Variants in MAML3 observed in about 807,000 individuals in gnomAD.
MAML3 encodes mastermind-like protein 3.
In MAML3, 27 loss-of-function variants were observed where a neutral mutation model predicts 101.9. That is an observed-to-expected ratio of 0.27 (90% CI 0.20 to 0.37). The LOEUF (loss-of-function observed/expected upper bound fraction) is 0.37, where lower values mean the gene tolerates loss of function less well. Among genes scored for constraint, MAML3 ranks in the 10% least tolerant of loss-of-function variants. The probability of loss-of-function intolerance (pLI) is 1.00; values close to 1 mark genes in which losing one functional copy is unlikely to be tolerated. For synonymous variants in MAML3, 501 were observed against 555.9 expected, an observed-to-expected ratio of 0.90 and a Z score of 1.39; for missense variants, 1,316 against 1,444.9, an observed-to-expected ratio of 0.91 and a Z score of 1.45.
At chr4:139,751,834 G>A (rs759341229) in intron 2 of MAML3, among the ~76,000 whole-genome samples, 5 of 152,266 alleles carry the variant, frequency 3.3e-5, no homozygotes, top group East Asian at 1.9e-4. Context: ...CCTCTAATCC[G>A]CAAAGTATCC....
At chr4:140,080,207 G>C (rs1203144583) in intron 1 of MAML3, among the ~76,000 whole-genome samples, 1 of 152,262 alleles carries the variant, frequency 6.6e-6, no homozygotes, top group Non-Finnish European at 1.5e-5. Flanking sequence ...GGGAGGCAAA[G>C]ACTAAAGAGG....
At chr4:140,102,162 A>G (rs1359698219) in intron 1 of MAML3, among the ~76,000 whole-genome samples, 1 of 152,228 alleles carries the variant, frequency 6.6e-6, no homozygotes, top group Non-Finnish European at 1.5e-5. Flanking sequence ...TAAATTCTCC[A>G]TCTATGAGAA....
At chr4:139,930,134 T>A (rs545913074) in intron 1 of MAML3, among the ~76,000 whole-genome samples, 8 of 152,330 alleles carry the variant, frequency 5.3e-5, no homozygotes, top group African/African-American at 1.9e-4. Context: ...GAATTATAGA[T>A]AATTTTCATT....
At position 139,889,401 on chromosome 4, in the gene MAML3, T is replaced by A; in HGVS notation, c.2035A>T (p.Met679Leu). The change falls in exon 2 of 5, where the codon ATG becomes TTG. Residue 679 changes from methionine (M) to leucine (L), a missense_variant. Physicochemically the swap from Met to Leu is conservative, Grantham distance 15. Transcript: ENST00000509479. ...RLLLMKQKGV[M>L]NQPMAYAALP... ...GCAGCGTAAGCCATGGGCTGATTCA[T>A]CACTCCTTTCTGCTTCATGAGAAGC... 6.2e-7 allele frequency: 1 copy of A among 1,614,076 alleles called. No homozygotes were observed.
chr4:139,985,568 G>C (rs1734521609), intron 1 of MAML3, among the ~76,000 whole-genome samples: 1 of 152,240 alleles, frequency 6.6e-6, no homozygotes, highest in Non-Finnish European at 1.5e-5. Flanking sequence ...CAACTAACTT[G>C]TGAATCACTT....
At chr4:139,745,410 G>A (rs1729289848) in intron 2 of MAML3, among the ~76,000 whole-genome samples, 1 of 152,196 alleles carries the variant, frequency 6.6e-6, no homozygotes, top group Non-Finnish European at 1.5e-5. Context: ...GGAGAAAAGT[G>A]GGCAGGAAGG....
chr4:140,010,869 G>A (rs994754365), intron 1 of MAML3, among the ~76,000 whole-genome samples: 4 of 151,958 alleles, frequency 2.6e-5, no homozygotes, highest in Non-Finnish European at 5.9e-5. Flanking sequence ...TTGGGAGGCC[G>A]AGGCAGGCAG....
intron 1 of MAML3, among the ~76,000 whole-genome samples, chr4:139,892,559 G>GT (rs1317835382): frequency 7.2e-6 from 1 of 139,360 alleles, no homozygotes; most frequent in Admixed American, 7.4e-5. Context: ...TTTATTTACT[G>GT]TTTTGTGTTC....
intron 2 of MAML3, among the ~76,000 whole-genome samples, chr4:139,792,801 G>GC (rs1322698719): frequency 6.6e-6 from 1 of 150,564 alleles, no homozygotes; most frequent in Non-Finnish European, 1.5e-5. Context: ...CTGGAGTGCA[G>GC]TGGTGCAATC....
intron 1 of MAML3, among the ~76,000 whole-genome samples, chr4:140,053,326 G>A (rs1478559788): frequency 6.6e-6 from 1 of 152,072 alleles, no homozygotes; most frequent in Non-Finnish European, 1.5e-5. Context: ...CTCCTTCACT[G>A]ACTCAGCATG....
chr4:139,993,465 G>GTTCTT (rs56025022), intron 1 of MAML3, among the ~76,000 whole-genome samples: 139,771 of 150,862 alleles, frequency 0.93, 65,635 homozygotes, highest in Non-Finnish European at 1. Flanking sequence ...TCCCAGTATG[G>GTTCTT]TTCTTTTCTT....
intron 2 of MAML3, among the ~76,000 whole-genome samples, chr4:139,745,859 C>A (rs925568541): frequency 6.6e-6 from 1 of 152,190 alleles, no homozygotes; most frequent in African/African-American, 2.4e-5. Context: ...AACAATACAT[C>A]CTGGGGATGG....
At chr4:139,908,460 G>A (rs1732858546) in intron 1 of MAML3, among the ~76,000 whole-genome samples, 2 of 152,120 alleles carry the variant, frequency 1.3e-5, no homozygotes, top group Admixed American at 1.3e-4. Context: ...TATAATAAAG[G>A]TTATAAGGGG....
intron 1 of MAML3, among the ~76,000 whole-genome samples, chr4:140,021,006 G>A (rs149895100): frequency 2.0e-5 from 3 of 152,236 alleles, no homozygotes; most frequent in Non-Finnish European, 2.9e-5. Flanking sequence ...GATGACATCC[G>A]ATCCAGAGAA....
intron 1 of MAML3, among the ~76,000 whole-genome samples, chr4:140,005,656 A>G (rs937205257): frequency 2.0e-5 from 3 of 152,368 alleles, no homozygotes; most frequent in East Asian, 1.9e-4. Flanking sequence ...CCATCCTCCC[A>G]AAAGAAGATT....
At chr4:139,770,313 C>T (rs6850932) in intron 2 of MAML3, among the ~76,000 whole-genome samples, 109,961 of 152,152 alleles carry the variant, frequency 0.72, 40,125 homozygotes, top group Middle Eastern at 0.78. Context: ...TATATAGTAT[C>T]GGCAAAAAAT....
intron 1 of MAML3, among the ~76,000 whole-genome samples, chr4:139,972,420 A>G (rs1734248372): frequency 6.6e-6 from 1 of 152,230 alleles, no homozygotes. Flanking sequence ...AAGCCTTATC[A>G]GAAAACAGAG....
At chr4:139,964,667 A>G (rs942248008) in intron 1 of MAML3, among the ~76,000 whole-genome samples, 1 of 152,124 alleles carries the variant, frequency 6.6e-6, no homozygotes, top group Admixed American at 6.5e-5. Context: ...ACTCCTTTAT[A>G]CAATGTTTGA....
Position 140,009,263 on chromosome 4 carries a change from C to T in MAML3, c.469-118296G>A, listed in dbSNP as rs537249746. Reference sequence around the variant, plus strand: ...GGAAGGCAGAGAGTGGTCAAATTTACGAACCAACAAGCCCCAGGCTCCCAC... The same window carrying T: ...GGAAGGCAGAGAGTGGTCAAATTTATGAACCAACAAGCCCCAGGCTCCCAC... On this transcript the variant is annotated intron_variant, in intron 1 of 4. Transcript: ENST00000509479. Among the ~76,000 whole-genome samples the T allele has an allele frequency of 4.4e-4, 67 of 152,312 alleles. 1 individual carries two copies. Among genetic ancestry groups the T allele is most frequent in the African/African-American group, 1.3e-3 (55 of 41,568 alleles).
Sources: gnomAD v4.1 joint callset for allele counts (sites outside exome capture counted in the v4.1 genomes callset) on GRCh38, gnomAD v4.1.1 for gene constraint, MANE v1.5 for transcripts, NCBI Gene and HGNC (gene_info 2026-07-23, HGNC 2026-07-21) for gene names.